Variants in ELL observed in about 807,000 individuals in gnomAD.
ELL encodes RNA polymerase II elongation factor ELL.
A neutral mutation model predicts 64.0 loss-of-function variants in ELL; 18 were observed. That is an observed-to-expected ratio of 0.28 (90% CI 0.19 to 0.42). The LOEUF is 0.42. Ranked by LOEUF, ELL falls within the 10% of genes least tolerant of loss-of-function variation. The pLI is 1.00. For missense variants in ELL, 797 were observed against 870.4 expected, an observed-to-expected ratio of 0.92 and a Z score of 1.06; for synonymous variants, 399 against 376.2, an observed-to-expected ratio of 1.06 and a Z score of -0.70.
intron 1 of ELL, among the ~76,000 whole-genome samples, chr19:18,513,705 G>C (rs1407092592): frequency 6.6e-6 from 1 of 152,206 alleles, no homozygotes; most frequent in Non-Finnish European, 1.5e-5. Context: ...GCTGAGGCGG[G>C]CGGATCACAA....
chr19:18,444,700 A>C lies in ELL; in HGVS notation c.*52T>G. ...TATTTTTTTAAATAAATCCTCTCTC[A>C]CCGCCTTTTGCTCCCCCGACCCTCC... On this transcript the variant is annotated 3_prime_UTR_variant, in exon 12 of 12. Coordinates refer to ENST00000262809, the MANE Select transcript of ELL (RefSeq NM_006532.4). The C allele has an allele frequency of 6.2e-4, 920 of 1,494,856 alleles. No homozygotes were observed. The highest frequency in any genetic ancestry group is 7.6e-4 in the Non-Finnish European group (845 of 1,106,602). The allele number at this position is 1,494,856 out of a possible 1,614,324, so 92.6% of individuals were successfully genotyped here.
chr19:18,517,906 G>T (rs1230855515), intron 1 of ELL, among the ~76,000 whole-genome samples: 3 of 148,528 alleles, frequency 2.0e-5, no homozygotes, highest in African/African-American at 7.5e-5. Flanking sequence ...AAAAAAAGAA[G>T]GAGAAGAAGA....
At chr19:18,502,003 G>A (rs1975787775) in intron 1 of ELL, among the ~76,000 whole-genome samples, 1 of 152,164 alleles carries the variant, frequency 6.6e-6, no homozygotes. Context: ...ACACGATCAG[G>A]AACCAGGCGT....
intron 1 of ELL, among the ~76,000 whole-genome samples, chr19:18,476,634 AG>A (rs1206940638): frequency 1.3e-5 from 2 of 152,182 alleles, no homozygotes; most frequent in Non-Finnish European, 2.9e-5. Flanking sequence ...CATGCCTCAG[AG>A]GAGAAGGGCT....
chr19:18,472,568 G>C, intron 2 of ELL: 1 of 466,618 alleles, frequency 2.1e-6, no homozygotes, highest in Non-Finnish European at 3.8e-6. Flanking sequence ...CTATCAGAGT[G>C]GAAGCTAGGT....
chr19:18,474,952 C>T (rs2144933398), intron 1 of ELL, among the ~76,000 whole-genome samples: 1 of 152,294 alleles, frequency 6.6e-6, no homozygotes, highest in South Asian at 2.1e-4. Context: ...GTGAAACCCC[C>T]ATCTGTACTA....
intron 1 of ELL, among the ~76,000 whole-genome samples, chr19:18,521,248 C>T (rs547376454): frequency 1.1e-4 from 16 of 152,222 alleles, no homozygotes; most frequent in African/African-American, 3.6e-4. Context: ...AGAGGGTCAC[C>T]TGGGGGTAAG....
In ELL at chr19:18,444,003, C is replaced by A. The variant is rs938140257; in HGVS notation, c.*749G>T. The A allele has an allele frequency of 3.9e-5, 9 of 232,042 alleles. No individual in the cohort carries two copies. The highest frequency in any genetic ancestry group is 7.7e-5 in the Non-Finnish European group (9 of 117,356). 14.4% of individuals were successfully genotyped at this position (232,042 alleles called of 1,614,324 possible). On this transcript the variant is annotated 3_prime_UTR_variant, in exon 12 of 12. Transcript: ENST00000262809. ...AACTTGGAGCACAGAAACACAGTGG[C>A]CCCCGACAGCTGAGGGCCTGAAATA...
intron 1 of ELL, among the ~76,000 whole-genome samples, chr19:18,504,853 A>G (rs532775259): frequency 6.6e-6 from 1 of 152,278 alleles, no homozygotes; most frequent in South Asian, 2.1e-4. Context: ...TGTCCAGTGG[A>G]CAGGGCCTGA....
Position 18,501,094 on chromosome 19 carries a change from A to G in ELL, c.135+20827T>C, listed in dbSNP as rs1975771342. ...ATCCCAAGCATGTGGGCGCACACCC[A>G]GGAGAAGAACGAGCGGGCCACGACA... On this transcript the variant is annotated intron_variant, in intron 1 of 11. Transcript: ENST00000262809. The surrounding 1 kb of genome is among the most constrained non-coding windows in gnomAD (Gnocchi z 4.5). Among the ~76,000 whole-genome samples, 1 of 152,082 alleles carries G rather than the reference A, an allele frequency of 6.6e-6. No homozygotes were observed. Among genetic ancestry groups the G allele is most frequent in the South Asian group, 2.1e-4 (1 of 4,826 alleles).
At chr19:18,476,976 C>A (rs1319421788) in intron 1 of ELL, among the ~76,000 whole-genome samples, 1 of 152,198 alleles carries the variant, frequency 6.6e-6, no homozygotes, top group African/African-American at 2.4e-5. Flanking sequence ...TATCTATAAG[C>A]AGAACCCTAC....
chr19:18,472,612 G>C, intron 2 of ELL: 1 of 546,772 alleles, frequency 1.8e-6, no homozygotes, highest in Non-Finnish European at 3.2e-6. Context: ...CACTGGGAGA[G>C]GAGAGCCGCC....
At chr19:18,464,951 C>T (rs1209744725) in intron 4 of ELL, among the ~76,000 whole-genome samples, 5 of 152,202 alleles carry the variant, frequency 3.3e-5, no homozygotes, top group Admixed American at 2.6e-4. Flanking sequence ...TGCCTGTTGC[C>T]GGCTGTGGTG....
intron 4 of ELL, among the ~76,000 whole-genome samples, chr19:18,465,088 C>T (rs1490514997): frequency 6.6e-6 from 1 of 152,186 alleles, no homozygotes; most frequent in Non-Finnish European, 1.5e-5. Flanking sequence ...GTGAAGGTCC[C>T]CAAGGCTGCA....
intron 1 of ELL, among the ~76,000 whole-genome samples, chr19:18,518,049 C>T (rs910047253): frequency 6.6e-6 from 1 of 151,620 alleles, no homozygotes; most frequent in Non-Finnish European, 1.5e-5. Context: ...GGTAAAACCC[C>T]GTCTCCACTA....
intron 8 of ELL, 109 bp downstream of exon 8, chr19:18,450,368 C>T (rs1165236908): frequency 6.7e-7 from 1 of 1,493,276 alleles, no homozygotes; most frequent in Non-Finnish European, 8.9e-7. Flanking sequence ...CAACAGGGTC[C>T]CCTCCCCTGG....
intron 4 of ELL, among the ~76,000 whole-genome samples, chr19:18,464,874 T>C (rs1053976186): frequency 3.3e-5 from 5 of 152,204 alleles, no homozygotes; most frequent in African/African-American, 9.6e-5. Flanking sequence ...TCCAAGTTGA[T>C]GCTGAGTGGC....
rs1974329551 is a variant in ELL, at chr19:18,443,151, T to TG, written c.*1600_*1601insC. On this transcript the variant is annotated 3_prime_UTR_variant, in exon 12 of 12. Coordinates refer to ENST00000262809, the MANE Select transcript of ELL (RefSeq NM_006532.4). ...GCTGCCTGCGGGCGACACAGCAAGG[T>TG]CCAGCTGACTCTGGAGGCCTCCTGG... The TG allele has an allele frequency of 4.3e-6, 1 of 232,208 alleles. No individual in the cohort carries two copies. Among genetic ancestry groups the TG allele is most frequent in the South Asian group, 1.8e-4 (1 of 5,528 alleles). 14.4% of individuals were successfully genotyped at this position (232,208 alleles called of 1,614,324 possible).
intron 2 of ELL, among the ~76,000 whole-genome samples, chr19:18,467,926 T>C (rs1336973221): frequency 5.6e-5 from 6 of 107,526 alleles, no homozygotes; most frequent in Admixed American, 3.7e-4. Context: ...CACACAACCA[T>C]ACACACACAA....
Sources: allele counts gnomAD v4.1 joint callset (sites outside exome capture counted in the v4.1 genomes callset), GRCh38; gene constraint gnomAD v4.1.1; non-coding constraint Gnocchi (gnomAD v3.1); transcripts MANE v1.5; gene names NCBI Gene and HGNC (gene_info 2026-07-23, HGNC 2026-07-21).